CEP15: variants seen among roughly 807,000 people sequenced by gnomAD.
CEP15 encodes the protein centrosomal protein 15 kDa.
At chr3:62,321,348 G>A in the CEP15 span, among the ~76,000 whole-genome samples, 1 of 152,008 alleles carries the variant, frequency 6.6e-6, no homozygotes, top group Non-Finnish European at 1.5e-5. The surrounding 1 kb of genome is among the most constrained non-coding windows in gnomAD (Gnocchi z 4.1). Flanking sequence ...GTTTTACCTT[G>A]TTGTGAGTAT....
chr3:62,322,346 A>T, the CEP15 span: 2 of 241,308 alleles, frequency 8.3e-6, no homozygotes, highest in Non-Finnish European at 1.6e-5. This position sits in a 1 kb window ranked among gnomAD's most constrained non-coding sequence, Gnocchi z 5.5. Context: ...AAGAAACAGA[A>T]GATGTACCTT....
At chr3:62,330,278 G>C in the CEP15 span, among the ~76,000 whole-genome samples, 35 of 152,006 alleles carry the variant, frequency 2.3e-4, no homozygotes, top group Admixed American at 1.8e-3. Flanking sequence ...CTGTCCAACA[G>C]CCCTCTACTT....
the CEP15 span, chr3:62,323,782 TA>T: frequency 6.6e-6 from 1 of 152,160 alleles, no homozygotes; most frequent in African/African-American, 2.4e-5. Flanking sequence ...ATCAAAGTAA[TA>T]TATTCCTACT....
the CEP15 span, among the ~76,000 whole-genome samples, chr3:62,332,197 G>A: frequency 6.6e-6 from 1 of 152,052 alleles, no homozygotes; most frequent in South Asian, 2.1e-4. Flanking sequence ...CACACAATGG[G>A]AGTTACTCCA....
chr3:62,326,022 C>CA, the CEP15 span, among the ~76,000 whole-genome samples: 2,335 of 106,532 alleles, frequency 0.022, 36 homozygotes, highest in Middle Eastern at 0.057. Context: ...GACTTCGTCT[C>CA]AAAAAAAAAA....
the CEP15 span, among the ~76,000 whole-genome samples, chr3:62,325,226 T>A: frequency 6.6e-5 from 10 of 152,174 alleles, no homozygotes; most frequent in Non-Finnish European, 1.5e-4. Flanking sequence ...ATTGTTTTTT[T>A]AAAGTCAGCT....
At chr3:62,320,432 C>T in the CEP15 span, 5 of 1,563,520 alleles carry the variant, frequency 3.2e-6, no homozygotes, top group Non-Finnish European at 4.4e-6. Flanking sequence ...GTAGAAGTAA[C>T]TTTAAATGTT....
At chr3:62,319,418 G>A in the CEP15 span, 1 of 152,114 alleles carries the variant, frequency 6.6e-6, no homozygotes, top group Non-Finnish European at 1.5e-5. Context: ...TGATGTTAGC[G>A]GAAAATATCT....
At chr3:62,331,910 A>G in the CEP15 span, among the ~76,000 whole-genome samples, 1 of 152,160 alleles carries the variant, frequency 6.6e-6, no homozygotes, top group African/African-American at 2.4e-5. Context: ...TGGTATATGA[A>G]TATGTTTGTG....
the CEP15 span, among the ~76,000 whole-genome samples, chr3:62,332,371 A>G: frequency 1.3e-5 from 2 of 152,142 alleles, no homozygotes; most frequent in Non-Finnish European, 2.9e-5. Flanking sequence ...TTCAACTTTC[A>G]GAACTGCTGT....
the CEP15 span, among the ~76,000 whole-genome samples, chr3:62,331,075 A>C: frequency 6.6e-6 from 1 of 152,156 alleles, no homozygotes; most frequent in Non-Finnish European, 1.5e-5. Flanking sequence ...CTAGCTATTC[A>C]AAAGTGAAAA....
At chr3:62,335,612 A>G in the CEP15 span, 2 of 152,266 alleles carry the variant, frequency 1.3e-5, no homozygotes, top group Admixed American at 6.5e-5. Context: ...TTTTTCTACA[A>G]TTAGTAGGAA....
At chr3:62,330,255 C>T in the CEP15 span, among the ~76,000 whole-genome samples, 1 of 152,142 alleles carries the variant, frequency 6.6e-6, no homozygotes, top group African/African-American at 2.4e-5. Context: ...CGCCCTTTTC[C>T]ATCTCTCTCC....
At chr3:62,320,536 T>A in the CEP15 span, 2 of 1,598,522 alleles carry the variant, frequency 1.3e-6, no homozygotes. Flanking sequence ...TAAGTTTTTT[T>A]AAAGGGATGA....
chr3:62,322,259 T>C, the CEP15 span: 1 of 473,488 alleles, frequency 2.1e-6, no homozygotes, highest in Non-Finnish European at 3.6e-6. The surrounding 1 kb of genome is among the most constrained non-coding windows in gnomAD (Gnocchi z 5.5). Flanking sequence ...TGAACTTTGC[T>C]TAAGCTAAAT....
At chr3:62,331,211 A>T in the CEP15 span, 20 of 818,072 alleles carry the variant, frequency 2.4e-5, no homozygotes, top group African/African-American at 1.5e-4. Context: ...ATCCATTCAG[A>T]TTATATCCAG....
chr3:62,331,212 T>G, the CEP15 span: 3 of 820,944 alleles, frequency 3.7e-6, no homozygotes, highest in Non-Finnish European at 6.0e-6. Context: ...TCCATTCAGA[T>G]TATATCCAGA....
the CEP15 span, among the ~76,000 whole-genome samples, chr3:62,323,406 A>C: frequency 1.3e-5 from 2 of 152,226 alleles, no homozygotes; most frequent in Non-Finnish European, 1.5e-5. Flanking sequence ...TTCTTACAAA[A>C]GAGCCAAGAC....
At chr3:62,328,709 CATCTT>C in the CEP15 span, among the ~76,000 whole-genome samples, 1 of 152,048 alleles carries the variant, frequency 6.6e-6, no homozygotes, top group Non-Finnish European at 1.5e-5. Context: ...GAAACTTTGA[CATCTT>C]ATTTATGCAT....
Sources: allele counts gnomAD v4.1 joint callset (sites outside exome capture counted in the v4.1 genomes callset), GRCh38; gene constraint gnomAD v4.1.1; non-coding constraint Gnocchi (gnomAD v3.1); transcripts MANE v1.5; gene names NCBI Gene and HGNC (gene_info 2026-07-23, HGNC 2026-07-21).